The following CDC42SE2 variants were observed in gnomAD, a reference collection of about 807,000 sequenced individuals.
CDC42SE2 encodes the protein CDC42 small effector 2.
Under a neutral mutation model 11.5 loss-of-function variants are expected in CDC42SE2, and 3 were observed. That is an observed-to-expected ratio of 0.26 (90% confidence interval 0.12 to 0.67). The LOEUF (loss-of-function observed/expected upper bound fraction) is 0.67, where lower values mean the gene tolerates loss of function less well. Ranked by LOEUF, CDC42SE2 falls within the 30% of genes least tolerant of loss-of-function variation. The pLI is 0.80. For synonymous variants in CDC42SE2, 33 were observed against 34.8 expected, an observed-to-expected ratio of 0.95 and a Z score of 0.18; for missense variants, 82 against 106.8, an observed-to-expected ratio of 0.77 and a Z score of 1.02.
chr5:131,234,853 A>G, the CDC42SE2 span, among the ~76,000 whole-genome samples: 3 of 151,628 alleles, frequency 2.0e-5, no homozygotes, highest in South Asian at 2.1e-4. Context: ...TTTTGTTCCA[A>G]TGGGCCCCTC....
chr5:131,319,245 A>G (rs940063084), intron 2 of CDC42SE2, among the ~76,000 whole-genome samples: 1 of 152,060 alleles, frequency 6.6e-6, no homozygotes, highest in Non-Finnish European at 1.5e-5. Flanking sequence ...GCCTCACTTC[A>G]TTCTGGTTTT....
At chr5:131,371,634 C>T (rs2149780256) in intron 3 of CDC42SE2, among the ~76,000 whole-genome samples, 1 of 152,216 alleles carries the variant, frequency 6.6e-6, no homozygotes, top group South Asian at 2.1e-4. Flanking sequence ...TGCGTGCATG[C>T]GGATTTGGAA....
chr5:131,356,957 T>G (rs1273462859), intron 2 of CDC42SE2, among the ~76,000 whole-genome samples: 3 of 152,120 alleles, frequency 2.0e-5, no homozygotes, highest in Admixed American at 6.5e-5. Flanking sequence ...TGGGCAAGAT[T>G]TTTGATCCAG....
chr5:131,277,375 G>T (rs1178726224), intron 1 of CDC42SE2, among the ~76,000 whole-genome samples: 1 of 152,146 alleles, frequency 6.6e-6, no homozygotes, highest in Admixed American at 6.6e-5. Context: ...TGAGAAAACT[G>T]AATACAATTA....
intron 1 of CDC42SE2, among the ~76,000 whole-genome samples, chr5:131,314,111 C>T (rs1021084403): frequency 2.0e-5 from 3 of 151,684 alleles, no homozygotes; most frequent in Admixed American, 1.3e-4. Flanking sequence ...ATGTTAACAT[C>T]ATTGACTTCA....
chr5:131,214,491 C>CT, the CDC42SE2 span, among the ~76,000 whole-genome samples: 3,036 of 152,058 alleles, frequency 0.02, 101 homozygotes, highest in African/African-American at 0.065. Flanking sequence ...TCTATGTAGC[C>CT]TTTTTTTTCC....
intron 1 of CDC42SE2, among the ~76,000 whole-genome samples, chr5:131,305,237 TTC>T (rs1460252144): frequency 2.0e-5 from 3 of 152,356 alleles, no homozygotes; most frequent in South Asian, 4.1e-4. Flanking sequence ...GGTTTATCCA[TTC>T]TCCAGTTGAT....
chr5:131,385,745 A>G (rs1275660410), intron 4 of CDC42SE2, 101 bp downstream of exon 4: 7 of 639,764 alleles, frequency 1.1e-5, no homozygotes, highest in African/African-American at 1.1e-4. Context: ...TGCTAAATGA[A>G]TTTGTGTACA....
At chr5:131,227,021 TAAAG>T in the CDC42SE2 span, among the ~76,000 whole-genome samples, 1 of 152,188 alleles carries the variant, frequency 6.6e-6, no homozygotes, top group Non-Finnish European at 1.5e-5. Context: ...AAATATAAAA[TAAAG>T]AAGACCAATG....
At chr5:131,292,541 C>T (rs1246975510) in intron 1 of CDC42SE2, among the ~76,000 whole-genome samples, 2 of 128,448 alleles carry the variant, frequency 1.6e-5, no homozygotes, top group Non-Finnish European at 3.2e-5. Context: ...GCCCGGGTGA[C>T]AGAGTGAGAC....
intron 3 of CDC42SE2, among the ~76,000 whole-genome samples, chr5:131,380,791 C>T (rs1211004640): frequency 6.6e-6 from 1 of 152,180 alleles, no homozygotes; most frequent in Non-Finnish European, 1.5e-5. Context: ...TTTCTCCTTT[C>T]AGCCACTGAC....
intron 1 of CDC42SE2, among the ~76,000 whole-genome samples, chr5:131,309,804 A>AT (rs1209481695): frequency 1.3e-5 from 2 of 152,032 alleles, no homozygotes; most frequent in East Asian, 1.9e-4. Flanking sequence ...CCCCATTATC[A>AT]TTTTTTATTG....
the CDC42SE2 span, among the ~76,000 whole-genome samples, chr5:131,222,078 T>TC: frequency 6.6e-6 from 1 of 152,244 alleles, no homozygotes; most frequent in Non-Finnish European, 1.5e-5. Flanking sequence ...GACTCATCAT[T>TC]ACATAATGCT....
At chr5:131,320,823 C>A (rs966397377) in intron 2 of CDC42SE2, among the ~76,000 whole-genome samples, 2 of 152,090 alleles carry the variant, frequency 1.3e-5, no homozygotes, top group African/African-American at 4.8e-5. Flanking sequence ...TAAAAAGAGT[C>A]CCAAATTCAT....
chr5:131,284,728 C>T (rs1757306561), intron 1 of CDC42SE2, among the ~76,000 whole-genome samples: 1 of 152,190 alleles, frequency 6.6e-6, no homozygotes, highest in Non-Finnish European at 1.5e-5. Context: ...GTGCCTTAGC[C>T]TCCTAAAGCA....
intron 1 of CDC42SE2, among the ~76,000 whole-genome samples, chr5:131,295,938 G>A (rs1331057653): frequency 6.6e-6 from 1 of 152,160 alleles, no homozygotes; most frequent in East Asian, 1.9e-4. Flanking sequence ...GCCTGCCTCA[G>A]CCTCCCAAAG....
intron 2 of CDC42SE2, among the ~76,000 whole-genome samples, chr5:131,352,505 TA>T (rs1749372699): frequency 6.6e-6 from 1 of 152,198 alleles, no homozygotes; most frequent in Non-Finnish European, 1.5e-5. Flanking sequence ...TCAGTCATTT[TA>T]AATATAAGGA....
intron 2 of CDC42SE2, among the ~76,000 whole-genome samples, chr5:131,351,550 G>A (rs560604943): frequency 1.6e-4 from 25 of 151,756 alleles, no homozygotes; most frequent in Non-Finnish European, 3.2e-4. Context: ...CACCGTGCCC[G>A]GCCTCAGCCC....
At chr5:131,317,315 A>G (rs1015403080) in intron 2 of CDC42SE2, among the ~76,000 whole-genome samples, 1 of 152,174 alleles carries the variant, frequency 6.6e-6, no homozygotes, top group Non-Finnish European at 1.5e-5. Context: ...TTGGCTTTCA[A>G]TCTAATAAAT....
Sources: allele counts gnomAD v4.1 joint callset (sites outside exome capture counted in the v4.1 genomes callset), GRCh38; gene constraint gnomAD v4.1.1; transcripts MANE v1.5; gene names NCBI Gene and HGNC (gene_info 2026-07-23, HGNC 2026-07-21).